The following PRKAG2 variants were observed in gnomAD, a reference collection of about 807,000 sequenced individuals.
PRKAG2 encodes the protein protein kinase AMP-activated non-catalytic subunit gamma 2.
A neutral mutation model predicts 69.6 loss-of-function variants in PRKAG2; 26 were observed. The observed-to-expected ratio is 0.37, with a 90% CI of 0.27 to 0.52. The LOEUF (loss-of-function observed/expected upper bound fraction) is 0.52, where lower values mean the gene tolerates loss of function less well. Among genes scored for constraint, PRKAG2 ranks in the 20% least tolerant of loss-of-function variants. The pLI is 0.90. For synonymous variants in PRKAG2, 293 were observed against 285.0 expected (o/e 1.03, Z -0.28); for missense variants, 557 against 740.0 (o/e 0.75, Z 2.87).
intron 1 of PRKAG2, among the ~76,000 whole-genome samples, chr7:151,876,032 C>G (rs889818895): frequency 4.6e-5 from 7 of 150,836 alleles, no homozygotes; most frequent in African/African-American, 9.8e-5. Flanking sequence ...ACAGCTCCCC[C>G]CAACCCCCGC....
rs945607475 is a variant in PRKAG2 at position 151,832,446 on chromosome 7, C to T, written c.114+44061G>A. Among the ~76,000 whole-genome samples, 6 of 152,156 alleles carry T rather than the reference C, an allele frequency of 3.9e-5. No homozygotes were observed. The East Asian group carries it at 5.8e-4, about 15-fold the overall frequency. On this transcript the variant is annotated intron_variant, in intron 1 of 15. Coordinates refer to ENST00000287878, the MANE Select transcript of PRKAG2 (RefSeq NM_016203.4). ...CCAGCAGACCCTCCATAGACACCTGCCCACTGTGGGAGGCGTGGGAGGCTG... is the reference window on the plus strand; with the variant it reads ...CCAGCAGACCCTCCATAGACACCTGTCCACTGTGGGAGGCGTGGGAGGCTG...
intron 3 of PRKAG2, among the ~76,000 whole-genome samples, chr7:151,776,728 G>A (rs991835171): frequency 9.2e-5 from 14 of 152,242 alleles, no homozygotes; most frequent in Admixed American, 3.3e-4. Flanking sequence ...GGCCCAGCCG[G>A]GGCAGTGCAG....
chr7:151,699,971 C>T lies in PRKAG2; in HGVS notation c.467-24334G>A, dbSNP rs1399017005. On this transcript the variant is annotated intron_variant, in intron 3 of 15. Transcript: ENST00000287878. This position sits in a 1 kb window ranked among gnomAD's most constrained non-coding sequence, Gnocchi z 4.5. ...CCCCACATTGCAGAAACAGCCTCAA[C>T]AGGAGCCTTGTGTACCTGCCAACAT... is the stretch of plus-strand genomic sequence containing the variant. Among the ~76,000 whole-genome samples the T allele has an allele frequency of 6.6e-6, 1 of 152,324 alleles. No individual in the cohort carries two copies. The highest frequency in any genetic ancestry group is 6.5e-5 in the Admixed American group (1 of 15,300).
rs76255212 is a variant in PRKAG2, at chr7:151,663,416, G to A, written c.684+12004C>T. Among the ~76,000 whole-genome samples the A allele has an allele frequency of 5.3e-3, 812 of 152,188 alleles. 7 individuals carry two copies. The highest frequency in any genetic ancestry group is 0.019 in the African/African-American group (777 of 41,510). ...TTTCAAACAGGGTCTCAGTCCTCTC[G>A]CCCAGGCAAAATCATGGCTCACTGC... On this transcript the variant is annotated intron_variant, in intron 4 of 15. Transcript: ENST00000287878.
At chr7:151,740,841 C>T (rs985561910) in intron 3 of PRKAG2, among the ~76,000 whole-genome samples, 2 of 152,086 alleles carry the variant, frequency 1.3e-5, no homozygotes, top group African/African-American at 2.4e-5. Flanking sequence ...AAATCAATGC[C>T]GGAGGGGACC....
At chr7:151,716,634 G>A (rs1251264663) in intron 3 of PRKAG2, among the ~76,000 whole-genome samples, 1 of 152,182 alleles carries the variant, frequency 6.6e-6, no homozygotes, top group African/African-American at 2.4e-5. Flanking sequence ...GCCCCATTCT[G>A]TAGAGGTGGA....
chr7:151,789,456 C>A (rs1563678027), intron 1 of PRKAG2, among the ~76,000 whole-genome samples: 1 of 152,206 alleles, frequency 6.6e-6, no homozygotes, highest in Non-Finnish European at 1.5e-5. Flanking sequence ...CTTGGGCCAC[C>A]TAATTATTGT....
intron 5 of PRKAG2, among the ~76,000 whole-genome samples, chr7:151,619,972 G>C (rs368917475): frequency 5.8e-4 from 88 of 152,314 alleles, no homozygotes; most frequent in African/African-American, 1.9e-3. Flanking sequence ...AGTGAGCCGA[G>C]ATCGCGCCAC....
intron 3 of PRKAG2, among the ~76,000 whole-genome samples, chr7:151,773,145 AAAGG>A (rs1244550850): frequency 1.8e-4 from 24 of 135,468 alleles, no homozygotes; most frequent in South Asian, 4.7e-4. Flanking sequence ...AGAAGGGAAG[AAAGG>A]AAGGAAGGAA....
intron 4 of PRKAG2, among the ~76,000 whole-genome samples, chr7:151,643,112 T>C (rs1215299178): frequency 6.6e-6 from 1 of 152,162 alleles, no homozygotes; most frequent in Non-Finnish European, 1.5e-5. Context: ...AATAAATCCA[T>C]TTTTTTGCCA....
chr7:151,649,705 CCTT>C (rs747820549), intron 4 of PRKAG2, among the ~76,000 whole-genome samples: 2 of 152,168 alleles, frequency 1.3e-5, no homozygotes, highest in Non-Finnish European at 2.9e-5. Context: ...TGCCTCCCCT[CCTT>C]CTTGCTCCTG....
chr7:151,824,579 C>T (rs571104240), intron 1 of PRKAG2, among the ~76,000 whole-genome samples: 1 of 152,242 alleles, frequency 6.6e-6, no homozygotes, highest in African/African-American at 2.4e-5. Flanking sequence ...CTTGCATTTC[C>T]CAGAAGTGAT....
chr7:151,672,617 G>A (rs1448968341), intron 4 of PRKAG2, among the ~76,000 whole-genome samples: 2 of 151,868 alleles, frequency 1.3e-5, no homozygotes, highest in Non-Finnish European at 2.9e-5. Flanking sequence ...CCTATAAGTG[G>A]CATTATGCAG....
rs57750657 is a variant in PRKAG2 at position 151,774,722 on chromosome 7, G to A, written c.466+6430C>T. The stretch of plus-strand genomic sequence containing the variant: ...CACAGGAGGCTGAGGCATGAGAATC[G>A]CTTGAACCCAGGAGGTGGAGGTTGC... On this transcript the variant is annotated intron_variant, in intron 3 of 15. Coordinates refer to ENST00000287878, the MANE Select transcript of PRKAG2 (RefSeq NM_016203.4). 4.4e-3 allele frequency among the ~76,000 whole-genome samples: 669 copies of A among 152,262 alleles called. 4 individuals are homozygous for A. Among genetic ancestry groups the A allele is most frequent in the East Asian group, 0.044 (227 of 5,176 alleles).
chr7:151,685,142 C>G (rs1238220799), intron 3 of PRKAG2, among the ~76,000 whole-genome samples: 3 of 152,186 alleles, frequency 2.0e-5, no homozygotes, highest in Admixed American at 2.0e-4. Context: ...TCCCCCCAGC[C>G]CAGGGTGGGA....
chr7:151,571,727 G>A (rs1057331943), intron 9 of PRKAG2, among the ~76,000 whole-genome samples: 3 of 152,146 alleles, frequency 2.0e-5, no homozygotes, highest in Non-Finnish European at 2.9e-5. Flanking sequence ...TGACAAAGCC[G>A]TAATAAACCA....
At chr7:151,703,845 AACACACAC>A (rs535818189) in intron 3 of PRKAG2, among the ~76,000 whole-genome samples, 8,083 of 88,328 alleles carry the variant, frequency 0.092, 357 homozygotes, top group Admixed American at 0.12. Context: ...TTTACTGGAA[AACACACAC>A]ACACACACAC....
chr7:151,560,657 A>G, intron 14 of PRKAG2, 40 bp from the exon 15 acceptor site: 1 of 1,611,156 alleles, frequency 6.2e-7, no homozygotes, highest in Non-Finnish European at 8.5e-7. Context: ...ATTAACATTT[A>G]AAAAAGGTTT....
At position 151,781,483 on chromosome 7, in the gene PRKAG2, G is replaced by T; in HGVS notation, c.187-52C>A. 1 of 1,550,678 alleles carries T rather than the reference G, an allele frequency of 6.4e-7. No homozygotes were observed. Among genetic ancestry groups the T allele is most frequent in the Non-Finnish European group, 8.7e-7 (1 of 1,148,078 alleles). On this transcript the variant is annotated intron_variant, in intron 2 of 15. Transcript: ENST00000287878. The surrounding 1 kb of genome is among the most constrained non-coding windows in gnomAD (Gnocchi z 6.1). ...AGTCACTCCACGCTCTGGACACGCT[G>T]CCTCCTGCCCTGTATGAAACTTATC...
Sources: gnomAD v4.1 joint callset for allele counts (sites outside exome capture counted in the v4.1 genomes callset) on GRCh38, gnomAD v4.1.1 for gene constraint, Gnocchi (gnomAD v3.1) non-coding constraint, MANE v1.5 for transcripts, NCBI Gene and HGNC (gene_info 2026-07-23, HGNC 2026-07-21) for gene names.